Variants in NAALADL2 observed in about 807,000 individuals in gnomAD.
NAALADL2 encodes N-acetylated alpha-linked acidic dipeptidase like 2, also known as inactive N-acetylated-alpha-linked acidic dipeptidase-like protein 2.
A neutral mutation model predicts 87.2 loss-of-function variants in NAALADL2; 76 were observed. The observed-to-expected ratio is 0.87, with a 90% CI of 0.72 to 1.05. NAALADL2 has a LOEUF of 1.05. Ranked by LOEUF, NAALADL2 falls within the 50% of genes least tolerant of loss-of-function variation. The pLI is 0.00. For synonymous variants in NAALADL2, 354 were observed against 331.0 expected (o/e 1.07, Z -0.75); for missense variants, 1,089 against 945.8 (o/e 1.15, Z -1.99).
intron 2 of NAALADL2, among the ~76,000 whole-genome samples, chr3:174,552,710 C>T (rs568500122): frequency 7.2e-6 from 1 of 138,888 alleles, no homozygotes; most frequent in South Asian, 2.3e-4. Flanking sequence ...GTGGGAGGAT[C>T]ATTTGAGCCC....
chr3:174,954,082 T>C (rs1324962799), intron 1 of NAALADL2, among the ~76,000 whole-genome samples: 1 of 152,096 alleles, frequency 6.6e-6, no homozygotes, highest in Non-Finnish European at 1.5e-5. Flanking sequence ...TTTGACCCCA[T>C]TAGTGATGGC....
chr3:175,769,163 T>C (rs369843270), intron 13 of NAALADL2, among the ~76,000 whole-genome samples: 9 of 152,350 alleles, frequency 5.9e-5, no homozygotes, highest in African/African-American at 2.2e-4. Context: ...AAATTACTAC[T>C]GATTCCATTA....
chr3:175,550,719 A>G (rs1714194939), intron 9 of NAALADL2, among the ~76,000 whole-genome samples: 1 of 152,170 alleles, frequency 6.6e-6, no homozygotes, highest in Non-Finnish European at 1.5e-5. Context: ...CAAAGAAGTA[A>G]GAATCTCTAG....
intron 4 of NAALADL2, among the ~76,000 whole-genome samples, chr3:175,284,330 A>G (rs1234405748): frequency 6.6e-6 from 1 of 152,046 alleles, no homozygotes; most frequent in Non-Finnish European, 1.5e-5. Flanking sequence ...ATGCTATAAT[A>G]AAACATTCAT....
At chr3:175,757,239 G>C (rs1420452655) in intron 13 of NAALADL2, among the ~76,000 whole-genome samples, 1 of 151,944 alleles carries the variant, frequency 6.6e-6, no homozygotes. Context: ...TCGATGTATG[G>C]TATAGAAATC....
At chr3:175,224,460 T>A (rs564103721) in intron 2 of NAALADL2, among the ~76,000 whole-genome samples, 54 of 152,282 alleles carry the variant, frequency 3.5e-4, no homozygotes, top group Middle Eastern at 3.4e-3. Context: ...TTAATATGTA[T>A]AAGATCATCT....
intron 1 of NAALADL2, among the ~76,000 whole-genome samples, chr3:175,078,844 A>G (rs1353389655): frequency 1.3e-5 from 2 of 152,122 alleles, no homozygotes; most frequent in African/African-American, 4.8e-5. Context: ...CAGTCTATGG[A>G]TATTTCAGTT....
intron 1 of NAALADL2, among the ~76,000 whole-genome samples, chr3:174,917,293 C>T (rs957498209): frequency 5.3e-5 from 8 of 152,030 alleles, no homozygotes; most frequent in African/African-American, 1.9e-4. Context: ...GTTGATGAAA[C>T]AATTCAAAGA....
At chr3:174,867,116 A>C (rs907521983) in intron 1 of NAALADL2, among the ~76,000 whole-genome samples, 3 of 151,506 alleles carry the variant, frequency 2.0e-5, no homozygotes. Flanking sequence ...TATTTAACTA[A>C]ATTGATTAGA....
chr3:175,629,672 G>A (rs559105703), intron 11 of NAALADL2, among the ~76,000 whole-genome samples: 3 of 151,664 alleles, frequency 2.0e-5, no homozygotes, highest in Non-Finnish European at 3.0e-5. Context: ...CAATTAAGAG[G>A]TATAAACATA....
chr3:175,645,063 A>G lies in NAALADL2; in HGVS notation c.1896+17677A>G, dbSNP rs546135250. ...TAATTAACTGCCGCCTACAGTAGTGAAGATCAAGACTACAGAAGCTATGTA... is the reference window on the plus strand; with the variant it reads ...TAATTAACTGCCGCCTACAGTAGTGGAGATCAAGACTACAGAAGCTATGTA... On this transcript the variant is annotated intron_variant, in intron 11 of 13. Coordinates refer to ENST00000454872, the MANE Select transcript of NAALADL2 (RefSeq NM_207015.3). Among the ~76,000 whole-genome samples, 24 of 152,274 alleles carry G rather than the reference A, an allele frequency of 1.6e-4. No homozygotes were observed. In the East Asian group the frequency reaches 4.2e-3, roughly 27 times the overall value.
At position 175,393,633 on chromosome 3, in the gene NAALADL2, C is replaced by G. The variant is rs542128401; in HGVS notation, c.1091-53596C>G. 9.2e-4 allele frequency among the ~76,000 whole-genome samples: 140 copies of G among 152,204 alleles called. 1 individual carries two copies. The highest frequency in any genetic ancestry group is 1.4e-3 in the Non-Finnish European group (98 of 68,010). On this transcript the variant is annotated intron_variant, in intron 5 of 13. Coordinates refer to ENST00000454872, the MANE Select transcript of NAALADL2 (RefSeq NM_207015.3). ...GCACTCTCTCAGGCATACTTTCTCT[C>G]TGGATTATTTGAGAGTAAATTATCT...
rs201036140 is a variant in NAALADL2 at position 175,321,288 on chromosome 3, C to G, written c.940-2887C>G. Among the ~76,000 whole-genome samples the G allele has an allele frequency of 4.3e-3, 549 of 126,484 alleles. 14 individuals are homozygous for G. The East Asian group carries it at 0.045, about 10-fold the overall frequency. 83.0% of individuals were successfully genotyped at this position (126,484 alleles called of 152,430 possible). ...AAAGCCTTTGACAAAATTCAACAAC[C>G]CTTCATGCTAAAAACTCTCAATAAA... On this transcript the variant is annotated intron_variant, in intron 4 of 13. Transcript: ENST00000454872.
At chr3:175,460,533 A>G (rs925231235) in intron 6 of NAALADL2, among the ~76,000 whole-genome samples, 2 of 152,300 alleles carry the variant, frequency 1.3e-5, no homozygotes, top group East Asian at 3.9e-4. Context: ...CTTCTTTTAA[A>G]TAGTTCTAGA....
chr3:174,762,021 G>T (rs73174729), intron 3 of NAALADL2, among the ~76,000 whole-genome samples: 46,469 of 151,502 alleles, frequency 0.31, 7,153 homozygotes, highest in Middle Eastern at 0.35. Context: ...TCTCTGGGCT[G>T]GTATGTTCAA....
At chr3:174,756,562 A>G (rs1049948318) in intron 3 of NAALADL2, among the ~76,000 whole-genome samples, 1 of 152,270 alleles carries the variant, frequency 6.6e-6, no homozygotes, top group Non-Finnish European at 1.5e-5. Flanking sequence ...ATCTCAGAGC[A>G]GAATTAAGAT....
intron 11 of NAALADL2, among the ~76,000 whole-genome samples, chr3:175,711,352 C>T (rs931523620): frequency 2.6e-5 from 4 of 151,692 alleles, no homozygotes; most frequent in South Asian, 2.1e-4. Context: ...TTATCAGAAT[C>T]GTACTTTGAG....
At chr3:174,456,068 T>G (rs1715812282) in intron 1 of NAALADL2, among the ~76,000 whole-genome samples, 2 of 151,960 alleles carry the variant, frequency 1.3e-5, no homozygotes, top group Admixed American at 6.6e-5. Flanking sequence ...CACCAACAAC[T>G]GTCAAGCCAA....
At chr3:174,961,045 T>C (rs1741906701) in intron 1 of NAALADL2, among the ~76,000 whole-genome samples, 1 of 147,618 alleles carries the variant, frequency 6.8e-6, no homozygotes, top group African/African-American at 2.5e-5. Context: ...TCTAAAAATA[T>C]ATATATATAT....
Sources: allele counts gnomAD v4.1 joint callset (sites outside exome capture counted in the v4.1 genomes callset), GRCh38; gene constraint gnomAD v4.1.1; transcripts MANE v1.5; gene names NCBI Gene and HGNC (gene_info 2026-07-23, HGNC 2026-07-21).